Variants in CEP41 observed in about 807,000 individuals in gnomAD.
CEP41 encodes centrosomal protein 41.
In CEP41, 32 loss-of-function variants were observed where a neutral mutation model predicts 44.3. That is an observed-to-expected ratio of 0.72 (90% CI 0.54 to 0.97). CEP41 has a LOEUF of 0.97. Ranked by LOEUF, CEP41 falls within the 50% of genes least tolerant of loss-of-function variation. The pLI is 0.00. For missense variants in CEP41, 432 were observed against 455.2 expected (o/e 0.95, Z 0.46); for synonymous variants, 151 against 168.5 (o/e 0.90, Z 0.80).
At chr7:130,402,030 A>G in intron 7 of CEP41, 82 bp from the exon 8 acceptor site, 2 of 937,330 alleles carry the variant, frequency 2.1e-6, no homozygotes. Flanking sequence ...TTTAAAATCT[A>G]AGAGTTAAAT....
At chr7:130,405,262 T>C (rs782300236) in intron 5 of CEP41, among the ~76,000 whole-genome samples, 3 of 152,202 alleles carry the variant, frequency 2.0e-5, no homozygotes, top group Admixed American at 1.3e-4. Context: ...GGAAAAGTAT[T>C]AGTGTGATTG....
At position 130,411,118 on chromosome 7, in the gene CEP41, T is replaced by C; in HGVS notation, c.277+4A>G. The C allele has an allele frequency of 6.2e-7, 1 of 1,613,728 alleles. No homozygotes were observed. Among genetic ancestry groups the C allele is most frequent in the Non-Finnish European group, 8.5e-7 (1 of 1,179,608 alleles). ...ATTTTCCCCACACCCTCAATTCTCA[T>C]TACCTTCCAGCCTTTGAATCTCCTC... On this transcript the variant is annotated splice_donor_region_variant and intron_variant, in intron 5 of 10. Coordinates refer to ENST00000223208, the MANE Select transcript of CEP41 (RefSeq NM_018718.3).
At position 130,397,573 on chromosome 7, in the gene CEP41, C is replaced by T. The variant is rs1020172017; in HGVS notation, c.*1318G>A. ...AGTACTGTTAAGGCAAATCTTACCC[C>T]GTAGCAGTTACCAGCAGGACAGGCA... On this transcript the variant is annotated 3_prime_UTR_variant, in exon 11 of 11. Transcript: ENST00000223208. 3.8e-5 allele frequency: 17 copies of T among 448,262 alleles called. No homozygotes were observed. Among genetic ancestry groups the T allele is most frequent in the African/African-American group, 2.9e-4 (14 of 47,962 alleles). The allele number at this position is 448,262 out of a possible 1,614,324, so 27.8% of individuals were successfully genotyped here. A position where few individuals can be genotyped will look rare whatever the true frequency, so the allele number is the denominator to read the frequency against.
At chr7:130,437,979 A>T (rs1339655947) in intron 1 of CEP41, among the ~76,000 whole-genome samples, 1 of 152,134 alleles carries the variant, frequency 6.6e-6, no homozygotes, top group Non-Finnish European at 1.5e-5. Flanking sequence ...CTCTATTCAA[A>T]CAAGAGAGTA....
chr7:130,434,186 T>C (rs1371345211), intron 1 of CEP41, among the ~76,000 whole-genome samples: 2 of 152,236 alleles, frequency 1.3e-5, no homozygotes, highest in African/African-American at 4.8e-5. Flanking sequence ...AGAAACATGG[T>C]AATGCTGCTA....
At chr7:130,430,293 T>A (rs781849076) in intron 1 of CEP41, among the ~76,000 whole-genome samples, 1 of 151,690 alleles carries the variant, frequency 6.6e-6, no homozygotes, top group South Asian at 2.1e-4. Context: ...AAAAAAAAAA[T>A]CCCAGAGTGA....
chr7:130,409,490 T>C (rs1163035198), intron 5 of CEP41, among the ~76,000 whole-genome samples: 1 of 152,232 alleles, frequency 6.6e-6, no homozygotes, highest in Non-Finnish European at 1.5e-5. Flanking sequence ...GAGAGGCATC[T>C]GTCAAAGATA....
intron 5 of CEP41, among the ~76,000 whole-genome samples, chr7:130,406,570 C>T (rs1455905378): frequency 6.6e-6 from 1 of 151,866 alleles, no homozygotes; most frequent in South Asian, 2.1e-4. Context: ...GGCAACAGAG[C>T]AGGACTCCAT....
intron 5 of CEP41, among the ~76,000 whole-genome samples, chr7:130,405,930 C>T (rs547311209): frequency 6.6e-6 from 1 of 152,156 alleles, no homozygotes; most frequent in African/African-American, 2.4e-5. Context: ...ACGACAGACA[C>T]CGCAGAAGCA....
In CEP41 at chr7:130,398,971, G is replaced by A. The variant is rs1433292464; in HGVS notation, c.1042C>T (p.Leu348=). The A allele has an allele frequency of 1.9e-6, 3 of 1,614,246 alleles. No homozygotes were observed. In the South Asian group the frequency reaches 3.3e-5, roughly 18 times the overall value. The part of the protein sequence containing the change: ...KVPGARSAQN[L]PGGGPASHSN... ...TGGCTGGCGGGGCCGCCACCTGGCA[G>A]ATTCTGAGCGCTTCGGGCACCAGGC... Residue 348 remains leucine, a synonymous_variant, in exon 11 of 11, where the codon CTG becomes TTG. Coordinates refer to ENST00000223208, the MANE Select transcript of CEP41 (RefSeq NM_018718.3).
intron 5 of CEP41, among the ~76,000 whole-genome samples, chr7:130,407,162 T>C (rs1254875017): frequency 4.0e-5 from 6 of 151,864 alleles, no homozygotes; most frequent in African/African-American, 1.4e-4. Flanking sequence ...AACTAAAATG[T>C]TAATCCCTCC....
intron 10 of CEP41, 122 bp downstream of exon 10, chr7:130,399,917 A>AC (rs1554416417): frequency 5.0e-6 from 4 of 805,188 alleles, no homozygotes; most frequent in Non-Finnish European, 8.7e-6. Flanking sequence ...CCTCCCCAGC[A>AC]CCTGTAACAT....
At chr7:130,434,975 C>T (rs527652369) in intron 1 of CEP41, among the ~76,000 whole-genome samples, 1 of 152,056 alleles carries the variant, frequency 6.6e-6, no homozygotes, top group African/African-American at 2.4e-5. Flanking sequence ...TACAACCACA[C>T]CAAATACTTA....
In CEP41 at chr7:130,398,513, G is replaced by C. The variant is rs2117543424; in HGVS notation, c.*378C>G. The stretch of plus-strand genomic sequence containing the variant: ...GGTGGCAGGGACAGGCACACGGGCA[G>C]ATGTGACTGAAGTATTTACAAAACA... On this transcript the variant is annotated 3_prime_UTR_variant, in exon 11 of 11. Coordinates refer to ENST00000223208, the MANE Select transcript of CEP41 (RefSeq NM_018718.3). 2.2e-6 allele frequency: 1 copy of C among 458,574 alleles called. No homozygotes were observed. The highest frequency in any genetic ancestry group is 4.4e-6 in the Non-Finnish European group (1 of 229,786). The allele number at this position is 458,574 out of a possible 1,614,324, so 28.4% of individuals were successfully genotyped here. A position where few individuals can be genotyped will look rare whatever the true frequency, so the allele number is the denominator to read the frequency against.
At chr7:130,429,419 A>G (rs782427565) in intron 1 of CEP41, among the ~76,000 whole-genome samples, 1 of 152,222 alleles carries the variant, frequency 6.6e-6, no homozygotes, top group Non-Finnish European at 1.5e-5. Flanking sequence ...TAGAGTGGCG[A>G]TTGTGAAAGC....
intron 1 of CEP41, 32 bp downstream of exon 1, chr7:130,440,902 C>T: frequency 6.2e-7 from 1 of 1,609,086 alleles, no homozygotes; most frequent in Non-Finnish European, 8.5e-7. Context: ...CGCCCGCCCC[C>T]TCCGGCTCTC....
chr7:130,440,865 C>T, intron 1 of CEP41, 69 bp downstream of exon 1: 1 of 1,458,270 alleles, frequency 6.9e-7, no homozygotes, highest in South Asian at 1.1e-5. Context: ...GGCTGCTCTT[C>T]CCTGCCCACA....
intron 5 of CEP41, 92 bp from the exon 6 acceptor site, chr7:130,404,800 T>A: frequency 9.6e-7 from 1 of 1,036,798 alleles, no homozygotes; most frequent in Admixed American, 1.7e-5. Flanking sequence ...GAAAAGGAAA[T>A]CTTATCATCA....
chr7:130,432,071 G>A (rs1797837942), intron 1 of CEP41, among the ~76,000 whole-genome samples: 1 of 152,130 alleles, frequency 6.6e-6, no homozygotes, highest in Non-Finnish European at 1.5e-5. Context: ...AACGCCAATA[G>A]TGCCTAGGTT....
Sources: gnomAD v4.1 joint callset for allele counts (sites outside exome capture counted in the v4.1 genomes callset) on GRCh38, gnomAD v4.1.1 for gene constraint, MANE v1.5 for transcripts, NCBI Gene and HGNC (gene_info 2026-07-23, HGNC 2026-07-21) for gene names.